The following CCDC180 variants were observed in gnomAD, a reference collection of about 807,000 sequenced individuals.
CCDC180 encodes the protein coiled-coil domain containing 180.
A neutral mutation model predicts 209.2 loss-of-function variants in CCDC180; 154 were observed. The ratio of observed to expected loss-of-function variants is 0.74; its 90% CI spans 0.65 to 0.84. CCDC180 has a LOEUF of 0.84. CCDC180 is among the 40% of genes least tolerant of loss of function. The pLI, the probability that CCDC180 is intolerant of heterozygous loss-of-function variation, is 0.00. For synonymous variants in CCDC180, 778 were observed against 749.1 expected (o/e 1.04, Z -0.63); for missense variants, 1,874 against 1,997.3 (o/e 0.94, Z 1.18).
At chr9:97,308,798 T>C (rs1832887027) in intron 2 of CCDC180, among the ~76,000 whole-genome samples, 1 of 152,238 alleles carries the variant, frequency 6.6e-6, no homozygotes. Flanking sequence ...ATTATAAAAG[T>C]ATAAAGAAGC....
In CCDC180 at chr9:97,309,417, C is replaced by A. The variant is rs1290066872; in HGVS notation, c.73C>A (p.Gln25Lys). 8.8e-6 allele frequency: 14 copies of A among 1,597,914 alleles called. No individual in the cohort carries two copies. Among genetic ancestry groups the A allele is most frequent in the Admixed American group, 3.5e-5 (2 of 57,540 alleles). Reference sequence around the variant, plus strand: ...CCTTGGTCCTCCCTGGATTCAGGTGCAGCTGGTCCACTCCCTGGCGGCCAC... The same window carrying A: ...CCTTGGTCCTCCCTGGATTCAGGTGAAGCTGGTCCACTCCCTGGCGGCCAC... ...AYQQIFQAEV[Q>K]LVHSLAATRK... Residue 25 changes from glutamine to lysine, a missense_variant, in exon 3 of 37, where the codon CAG becomes AAG. Transcript: ENST00000529487.
chr9:97,317,268 G>A, intron 9 of CCDC180, 40 bp downstream of exon 9: 2 of 1,482,376 alleles, frequency 1.3e-6, no homozygotes, highest in Non-Finnish European at 1.8e-6. Context: ...AGCCCACCAG[G>A]GGGGCTGGCA....
In CCDC180 at chr9:97,313,281, A is replaced by T. The variant is rs767086192; in HGVS notation, c.395A>T (p.His132Leu). The change falls in exon 5 of 37, where the codon CAC becomes CTC. Residue 132 changes from histidine to leucine, a missense_variant. Transcript: ENST00000529487. ...AGCACCTTTCAAAGGCAAGCAGAACACAAGAGGAAGAGCTACGAGAGCGCT... is the reference window on the plus strand; with the variant it reads ...AGCACCTTTCAAAGGCAAGCAGAACTCAAGAGGAAGAGCTACGAGAGCGCT... ...STSTFQRQAE[H>L]KRKSYESALA... The T allele has an allele frequency of 6.2e-7, 1 of 1,612,586 alleles. No homozygotes were observed. The highest frequency in any genetic ancestry group is 1.1e-5 in the South Asian group (1 of 91,008).
intron 20 of CCDC180, 124 bp downstream of exon 20, chr9:97,347,613 C>G: frequency 1.1e-6 from 1 of 931,128 alleles, no homozygotes; most frequent in Non-Finnish European, 1.6e-6. Context: ...ATGTTCTCAT[C>G]ACACCATGGA....
intron 36 of CCDC180, 152 bp downstream of exon 36, chr9:97,375,741 T>G: frequency 1.2e-6 from 1 of 839,498 alleles, no homozygotes; most frequent in Non-Finnish European, 1.8e-6. Flanking sequence ...GTCTCAACAC[T>G]CAGGACAGTC....
chr9:97,333,045 T>G (rs573499047), intron 18 of CCDC180, among the ~76,000 whole-genome samples: 2 of 152,340 alleles, frequency 1.3e-5, no homozygotes, highest in African/African-American at 4.8e-5. Context: ...GTTCTTTCAA[T>G]GCCTAGTTTG....
intron 28 of CCDC180, among the ~76,000 whole-genome samples, chr9:97,362,748 A>G (rs1469313238): frequency 6.6e-6 from 1 of 152,106 alleles, no homozygotes; most frequent in Non-Finnish European, 1.5e-5. Context: ...CCTGCCCACC[A>G]AGCCTCAGTG....
intron 31 of CCDC180, among the ~76,000 whole-genome samples, chr9:97,367,222 A>G (rs867446329): frequency 6.6e-6 from 1 of 152,158 alleles, no homozygotes. Context: ...ATTTTGCATA[A>G]TATTTCAAGG....
At chr9:97,359,426 C>T (rs1031045542) in intron 25 of CCDC180, among the ~76,000 whole-genome samples, 1 of 152,106 alleles carries the variant, frequency 6.6e-6, no homozygotes, top group Admixed American at 6.5e-5. Context: ...GTCTGCAGAG[C>T]GGTGATTAGG....
At position 97,347,337 on chromosome 9, in the gene CCDC180, A is replaced by G. The variant is rs1232260402; in HGVS notation, c.2522A>G (p.His841Arg). The change falls in exon 20 of 37, where the codon CAC becomes CGC. Residue 841 changes from histidine (H) to arginine (R), a missense_variant. Physicochemically the swap from His to Arg is conservative, Grantham distance 29. Transcript: ENST00000529487. ...AGACTTCGAGCTGGCTTCTTCGAGC[A>G]CCTTGAGAAGTGGTTTGACCAGTGT... Reference protein sequence around the residue: ...KKQLRAGFFEHLEKWFDQCSL... With the variant: ...KKQLRAGFFERLEKWFDQCSL... The G allele has an allele frequency of 2.6e-6, 4 of 1,535,924 alleles. No homozygotes were observed. Among genetic ancestry groups the G allele is most frequent in the African/African-American group, 1.4e-5 (1 of 73,054 alleles).
chr9:97,319,914 T>C (rs1051922751), intron 10 of CCDC180, among the ~76,000 whole-genome samples: 1 of 152,178 alleles, frequency 6.6e-6, no homozygotes, highest in African/African-American at 2.4e-5. Context: ...TCTTTTCTTA[T>C]CTAAGTAACA....
Position 97,350,368 on chromosome 9 carries a change from T to A in CCDC180, c.2856-41T>A, listed in dbSNP as rs2118819214. 3 of 1,529,956 alleles carry A rather than the reference T, an allele frequency of 2.0e-6. No individual in the cohort carries two copies. The East Asian group carries it at 7.4e-5, about 38-fold the overall frequency. 94.8% of individuals were successfully genotyped at this position (1,529,956 alleles called of 1,614,324 possible). On this transcript the variant is annotated intron_variant, in intron 21 of 36. Coordinates refer to ENST00000529487, the MANE Select transcript of CCDC180 (RefSeq NM_020893.6). The stretch of plus-strand genomic sequence containing the variant: ...CTGCCCCTCCCTTGTCCCCCAGGGT[T>A]GTCCCCCATCACTGTCCTGTTCCTC...
At chr9:97,333,503 GTTTTTTTTT>G (rs373215367) in intron 18 of CCDC180, among the ~76,000 whole-genome samples, 1 of 72,850 alleles carries the variant, frequency 1.4e-5, no homozygotes, top group Non-Finnish European at 2.6e-5. Flanking sequence ...CTGGGTTTGG[GTTTTTTTTT>G]TTTTTTTTTT....
chr9:97,323,285 A>T (rs577531430), intron 12 of CCDC180, among the ~76,000 whole-genome samples: 2 of 152,226 alleles, frequency 1.3e-5, no homozygotes, highest in African/African-American at 4.8e-5. Context: ...TCTGTCGTAC[A>T]CAGCACTGGG....
chr9:97,372,488 C>T (rs1827129790), intron 34 of CCDC180: 1 of 152,168 alleles, frequency 6.6e-6, no homozygotes, highest in Admixed American at 6.5e-5. Flanking sequence ...GACACTTTTT[C>T]AAAGGTATAT....
intron 29 of CCDC180, 130 bp downstream of exon 29, chr9:97,364,258 G>A: frequency 2.6e-6 from 2 of 758,946 alleles, no homozygotes; most frequent in Non-Finnish European, 4.4e-6. Flanking sequence ...GGGGTGAGAG[G>A]AGATAGCAAG....
intron 2 of CCDC180, among the ~76,000 whole-genome samples, chr9:97,308,949 TTC>T (rs1832891900): frequency 6.6e-6 from 1 of 152,202 alleles, no homozygotes; most frequent in Non-Finnish European, 1.5e-5. Context: ...AATTTCTAAT[TTC>T]TAATTTCTAT....
At chr9:97,317,365 GATAAAGGT>G in intron 9 of CCDC180, 137 bp downstream of exon 9, 1 of 760,764 alleles carries the variant, frequency 1.3e-6, no homozygotes, top group Non-Finnish European at 2.0e-6. Context: ...GTTAGAAATA[GATAAAGGT>G]ATAAAGAATA....
chr9:97,325,305 A>G (rs1202820398), intron 14 of CCDC180, 113 bp downstream of exon 14: 5 of 1,117,470 alleles, frequency 4.5e-6, no homozygotes, highest in Non-Finnish European at 5.0e-6. Context: ...AGATGGGGAC[A>G]TTGAGGCTCA....
Sources: gnomAD v4.1 joint callset for allele counts (sites outside exome capture counted in the v4.1 genomes callset) on GRCh38, gnomAD v4.1.1 for gene constraint, MANE v1.5 for transcripts, NCBI Gene and HGNC (gene_info 2026-07-23, HGNC 2026-07-21) for gene names.